The following SWAP70 variants were observed in gnomAD, a reference collection of about 807,000 sequenced individuals.
SWAP70 encodes switching B cell complex subunit SWAP70.
SWAP70 carries 34 observed loss-of-function variants against 80.2 expected under a neutral mutation model. That is an observed-to-expected ratio of 0.42 (90% CI 0.32 to 0.56). The LOEUF (loss-of-function observed/expected upper bound fraction) is 0.56, where lower values mean the gene tolerates loss of function less well. Ranked by LOEUF, SWAP70 falls within the 20% of genes least tolerant of loss-of-function variation. The pLI, the probability that SWAP70 is intolerant of heterozygous loss-of-function variation, is 0.09. For synonymous variants in SWAP70, 239 were observed against 238.5 expected (o/e 1.00, Z -0.02); for missense variants, 578 against 690.7 (o/e 0.84, Z 1.83).
intron 2 of SWAP70, among the ~76,000 whole-genome samples, chr11:9,710,420 A>G (rs1348629970): frequency 2.8e-4 from 43 of 152,106 alleles, no homozygotes; most frequent in South Asian, 2.1e-4. Context: ...GACTGAGGCA[A>G]GGTACTAAAG....
At chr11:9,715,518 A>G (rs557223890) in intron 3 of SWAP70, among the ~76,000 whole-genome samples, 17 of 152,292 alleles carry the variant, frequency 1.1e-4, no homozygotes, top group African/African-American at 4.1e-4. Flanking sequence ...TGCTGCTGAT[A>G]AAGACATACC....
chr11:9,727,026 T>C, intron 4 of SWAP70: 2 of 452,218 alleles, frequency 4.4e-6, no homozygotes, highest in Non-Finnish European at 8.9e-6. Flanking sequence ...AGCTTTAGCA[T>C]TTTCATTGAT....
intron 9 of SWAP70, among the ~76,000 whole-genome samples, chr11:9,743,129 T>C (rs1564835403): frequency 6.9e-6 from 1 of 144,040 alleles, no homozygotes; most frequent in East Asian, 2.1e-4. Context: ...AGTTCCCACC[T>C]ATGAGTGAGA....
intron 1 of SWAP70, among the ~76,000 whole-genome samples, chr11:9,680,580 T>C (rs1850555014): frequency 6.6e-6 from 1 of 152,072 alleles, no homozygotes; most frequent in African/African-American, 2.4e-5. Context: ...CACGCCTGGA[T>C]AATTTTTGTG....
intron 9 of SWAP70, among the ~76,000 whole-genome samples, chr11:9,744,676 G>A (rs1851488157): frequency 6.6e-6 from 1 of 152,156 alleles, no homozygotes; most frequent in Non-Finnish European, 1.5e-5. Context: ...GGGAGGCTGA[G>A]GCGGGCGGAT....
At chr11:9,734,175 T>A (rs1267388909) in intron 7 of SWAP70, among the ~76,000 whole-genome samples, 1 of 152,188 alleles carries the variant, frequency 6.6e-6, no homozygotes, top group Non-Finnish European at 1.5e-5. Context: ...TTTTGGAGCA[T>A]TTTATATTCT....
chr11:9,711,078 T>C (rs1850992232), intron 2 of SWAP70, among the ~76,000 whole-genome samples: 1 of 151,726 alleles, frequency 6.6e-6, no homozygotes, highest in African/African-American at 2.4e-5. Context: ...TTTTTAAACA[T>C]TGTTTATATT....
intron 1 of SWAP70, among the ~76,000 whole-genome samples, chr11:9,678,433 C>T (rs948021079): frequency 1.5e-4 from 22 of 149,212 alleles, no homozygotes; most frequent in Admixed American, 1.5e-3. Context: ...GTTTCTATTC[C>T]TTACTTGCTA....
chr11:9,717,589 G>A (rs1851082232), intron 3 of SWAP70, among the ~76,000 whole-genome samples: 1 of 150,860 alleles, frequency 6.6e-6, no homozygotes, highest in Non-Finnish European at 1.5e-5. Flanking sequence ...GGGAGGTGGA[G>A]CTTGCAGTGA....
At chr11:9,723,122 T>C (rs1295636527) in intron 3 of SWAP70, among the ~76,000 whole-genome samples, 2 of 152,178 alleles carry the variant, frequency 1.3e-5, no homozygotes, top group Non-Finnish European at 2.9e-5. Flanking sequence ...GGTCAGGCTC[T>C]GGCTTTTGTT....
intron 1 of SWAP70, among the ~76,000 whole-genome samples, chr11:9,669,945 T>A (rs548684282): frequency 6.6e-6 from 1 of 152,160 alleles, no homozygotes; most frequent in African/African-American, 2.4e-5. Context: ...GTGGCCAACG[T>A]GGCAAAACCC....
intron 2 of SWAP70, among the ~76,000 whole-genome samples, chr11:9,696,330 G>A (rs1028532427): frequency 2.6e-5 from 4 of 152,150 alleles, no homozygotes; most frequent in Non-Finnish European, 4.4e-5. Context: ...TTTAAAATTG[G>A]TGATGAAAAA....
At chr11:9,697,332 G>A (rs1473055184) in intron 2 of SWAP70, among the ~76,000 whole-genome samples, 1 of 150,908 alleles carries the variant, frequency 6.6e-6, no homozygotes, top group Non-Finnish European at 1.5e-5. Flanking sequence ...TCCCCAGCAG[G>A]AGTGCAGTGC....
At chr11:9,749,396 G>A (rs1341000859) in intron 11 of SWAP70, among the ~76,000 whole-genome samples, 3 of 151,922 alleles carry the variant, frequency 2.0e-5, no homozygotes, top group Admixed American at 1.3e-4. Context: ...ACAGGTGCCC[G>A]CCACCACGAC....
At chr11:9,674,439 A>G (rs1480548163) in intron 1 of SWAP70, among the ~76,000 whole-genome samples, 1 of 152,060 alleles carries the variant, frequency 6.6e-6, no homozygotes, top group East Asian at 1.9e-4. Flanking sequence ...GTGGCTCATG[A>G]CTATAATCCC....
chr11:9,731,438 GGAT>G (rs752008086), intron 6 of SWAP70, among the ~76,000 whole-genome samples: 26 of 152,182 alleles, frequency 1.7e-4, no homozygotes, highest in Non-Finnish European at 3.5e-4. Flanking sequence ...GTTGTGGTGA[GGAT>G]TAGAAAATAG....
intron 5 of SWAP70, 108 bp from the exon 6 acceptor site, chr11:9,729,235 G>C (rs903901369): frequency 1.4e-6 from 1 of 710,730 alleles, no homozygotes; most frequent in African/African-American, 1.8e-5. Flanking sequence ...TGAATTTATA[G>C]GTATTTTTCA....
chr11:9,740,060 C>T, intron 8 of SWAP70, 121 bp from the exon 9 acceptor site: 1 of 788,194 alleles, frequency 1.3e-6, no homozygotes, highest in Non-Finnish European at 2.0e-6. Flanking sequence ...GATTGAAGGA[C>T]AGGGTCCTGC....
intron 7 of SWAP70, among the ~76,000 whole-genome samples, chr11:9,734,426 T>G (rs1012943468): frequency 8.5e-5 from 13 of 152,228 alleles, no homozygotes; most frequent in African/African-American, 2.9e-4. Flanking sequence ...GAAGAAGGCA[T>G]GCCTGGTGTT....
Sources: gnomAD v4.1 joint callset for allele counts (sites outside exome capture counted in the v4.1 genomes callset) on GRCh38, gnomAD v4.1.1 for gene constraint, MANE v1.5 for transcripts, NCBI Gene and HGNC (gene_info 2026-07-23, HGNC 2026-07-21) for gene names.